SLC4A10: variants seen among roughly 807,000 people sequenced by gnomAD.
SLC4A10 encodes solute carrier family 4 member 10.
In SLC4A10, 42 loss-of-function variants were observed where a neutral mutation model predicts 137.7. That is an observed-to-expected ratio of 0.30 (90% confidence interval 0.24 to 0.39). The LOEUF is 0.39. Ranked by LOEUF, SLC4A10 falls within the 10% of genes least tolerant of loss-of-function variation. SLC4A10 has a pLI of 1.00. For missense variants in SLC4A10, 925 were observed against 1,355.0 expected, an observed-to-expected ratio of 0.68 and a Z score of 4.98; for synonymous variants, 474 against 464.1, an observed-to-expected ratio of 1.02 and a Z score of -0.27.
At chr2:161,839,231 C>T (rs1227919) in intron 3 of SLC4A10, among the ~76,000 whole-genome samples, 102,434 of 152,140 alleles carry the variant, frequency 0.67, 34,700 homozygotes, top group East Asian at 0.78. Flanking sequence ...TTATATGCTG[C>T]GTTTCCACTT....
chr2:161,915,648 A>C (rs1335943253), intron 15 of SLC4A10, among the ~76,000 whole-genome samples: 1 of 152,178 alleles, frequency 6.6e-6, no homozygotes, highest in African/African-American at 2.4e-5. Context: ...CAGAGCCTAC[A>C]CAGAGTTTCC....
chr2:161,948,804 A>G (rs1348715312), intron 17 of SLC4A10, among the ~76,000 whole-genome samples: 2 of 152,080 alleles, frequency 1.3e-5, no homozygotes, highest in African/African-American at 2.4e-5. Context: ...AATCCAGCCA[A>G]ATTCTGCCCA....
At chr2:161,852,152 A>T (rs1408003933) in intron 4 of SLC4A10, among the ~76,000 whole-genome samples, 1 of 152,228 alleles carries the variant, frequency 6.6e-6, no homozygotes, top group East Asian at 1.9e-4. Context: ...GGATGACAGA[A>T]AGTACCATAG....
intron 1 of SLC4A10, among the ~76,000 whole-genome samples, chr2:161,668,831 T>C (rs2039379280): frequency 6.6e-6 from 1 of 151,908 alleles, no homozygotes; most frequent in African/African-American, 2.4e-5. Context: ...TCTTTATTCC[T>C]GGTTCTGTAC....
intron 6 of SLC4A10, among the ~76,000 whole-genome samples, chr2:161,866,056 A>G (rs1398806530): frequency 1.3e-5 from 2 of 152,068 alleles, no homozygotes; most frequent in African/African-American, 2.4e-5. Context: ...CTCCCTAAGC[A>G]TAGTGGTAGA....
intron 3 of SLC4A10, among the ~76,000 whole-genome samples, chr2:161,810,791 G>A (rs2056480155): frequency 6.6e-6 from 1 of 151,850 alleles, no homozygotes; most frequent in African/African-American, 2.4e-5. Context: ...AGGATTTTGT[G>A]TCTATGTTCA....
intron 3 of SLC4A10, among the ~76,000 whole-genome samples, chr2:161,811,189 TG>T (rs1253599628): frequency 3.3e-5 from 5 of 152,230 alleles, no homozygotes; most frequent in Admixed American, 3.3e-4. Flanking sequence ...GAATATCTTT[TG>T]TATTTCTGTG....
chr2:161,722,685 G>A (rs1219448782), intron 1 of SLC4A10, among the ~76,000 whole-genome samples: 1 of 152,192 alleles, frequency 6.6e-6, no homozygotes. Flanking sequence ...GAAGCACTCT[G>A]GCTACCCCTT....
chr2:161,808,986 C>CCAAA (rs1378159282), intron 3 of SLC4A10, among the ~76,000 whole-genome samples: 1 of 152,150 alleles, frequency 6.6e-6, no homozygotes, highest in Non-Finnish European at 1.5e-5. Context: ...TGATAAATCT[C>CCAAA]CAAACTGCTT....
chr2:161,889,583 G>T (rs62188805), intron 10 of SLC4A10, among the ~76,000 whole-genome samples: 10,411 of 152,196 alleles, frequency 0.068, 456 homozygotes, highest in East Asian at 0.13. Flanking sequence ...GGTGTTTATA[G>T]TATTCCCTGA....
At chr2:161,939,468 C>G (rs1156304261) in intron 15 of SLC4A10, among the ~76,000 whole-genome samples, 1 of 152,164 alleles carries the variant, frequency 6.6e-6, no homozygotes. Context: ...GTTCCATCAT[C>G]CCTGTAACCT....
chr2:161,730,486 CCAT>C (rs1194485913), intron 1 of SLC4A10, among the ~76,000 whole-genome samples: 1 of 152,164 alleles, frequency 6.6e-6, no homozygotes, highest in Non-Finnish European at 1.5e-5. Flanking sequence ...TATCTATCAA[CCAT>C]CATCATTATC....
chr2:161,847,918 A>C (rs2059602491), intron 4 of SLC4A10, among the ~76,000 whole-genome samples: 1 of 152,158 alleles, frequency 6.6e-6, no homozygotes, highest in Non-Finnish European at 1.5e-5. Flanking sequence ...GATGAATGAT[A>C]GTTCTGTTTT....
At chr2:161,863,617 C>A (rs1432670453) in intron 6 of SLC4A10, among the ~76,000 whole-genome samples, 2 of 152,190 alleles carry the variant, frequency 1.3e-5, no homozygotes, top group Non-Finnish European at 2.9e-5. Flanking sequence ...GTTTGTAATG[C>A]AGCATCTTCA....
intron 1 of SLC4A10, among the ~76,000 whole-genome samples, chr2:161,717,942 G>A (rs1279394279): frequency 6.6e-6 from 1 of 152,026 alleles, no homozygotes; most frequent in Non-Finnish European, 1.5e-5. Flanking sequence ...TGTTTGGGAG[G>A]CTATTTTTAC....
intron 6 of SLC4A10, among the ~76,000 whole-genome samples, chr2:161,866,973 A>G (rs1171920622): frequency 3.3e-5 from 5 of 151,904 alleles, no homozygotes; most frequent in Middle Eastern, 3.4e-3. Flanking sequence ...TTTCCTTCAC[A>G]TATCTTTTGT....
intron 15 of SLC4A10, among the ~76,000 whole-genome samples, chr2:161,918,777 G>A (rs933623629): frequency 2.6e-5 from 4 of 152,128 alleles, no homozygotes; most frequent in South Asian, 4.2e-4. Flanking sequence ...GTAGGGAGGC[G>A]CCTACTTGCT....
At chr2:161,746,183 C>T (rs748038455) in intron 1 of SLC4A10, among the ~76,000 whole-genome samples, 1 of 152,010 alleles carries the variant, frequency 6.6e-6, no homozygotes, top group African/African-American at 2.4e-5. Flanking sequence ...AGCATGTTCC[C>T]TTCTGACCCA....
intron 1 of SLC4A10, among the ~76,000 whole-genome samples, chr2:161,668,585 T>C (rs2039346065): frequency 6.6e-6 from 1 of 151,868 alleles, no homozygotes; most frequent in African/African-American, 2.4e-5. Flanking sequence ...TTATCAACCT[T>C]ATGATTCTAT....
Sources: allele counts gnomAD v4.1 joint callset (sites outside exome capture counted in the v4.1 genomes callset), GRCh38; gene constraint gnomAD v4.1.1; transcripts MANE v1.5; gene names NCBI Gene and HGNC (gene_info 2026-07-23, HGNC 2026-07-21).